MAP3K13: variants seen among roughly 807,000 people sequenced by gnomAD.
MAP3K13 encodes the protein leucine zipper-bearing kinase.
A neutral mutation model predicts 104.0 loss-of-function variants in MAP3K13; 52 were observed. The observed-to-expected ratio is 0.50, with a 90% CI of 0.40 to 0.63. MAP3K13 has a LOEUF of 0.63. MAP3K13 is among the 20% of genes least tolerant of loss of function. MAP3K13 has a pLI of 0.00. For missense variants in MAP3K13, 914 were observed against 1,218.5 expected (o/e 0.75, Z 3.72); for synonymous variants, 394 against 442.2 (o/e 0.89, Z 1.37).
In MAP3K13 at chr3:185,473,819, G is replaced by A; in HGVS notation, c.2430+58G>A. 6.6e-7 allele frequency: 1 copy of A among 1,525,820 alleles called. No homozygotes were observed. Among genetic ancestry groups the A allele is most frequent in the Admixed American group, 1.9e-5 (1 of 52,152 alleles). The allele number at this position is 1,525,820 out of a possible 1,614,324, so 94.5% of individuals were successfully genotyped here. A position where few individuals can be genotyped will look rare whatever the true frequency, so the allele number is the denominator to read the frequency against. On this transcript the variant is annotated intron_variant, in intron 11 of 13. Transcript: ENST00000265026. The surrounding 1 kb of genome is among the most constrained non-coding windows in gnomAD (Gnocchi z 4.9). ...CTGCCTTCAAAGAATGCCAGAGCCT[G>A]TCATGTTATACACATTAGAGAGCAT...
At chr3:185,464,269 CAG>C (rs1717281808) in intron 8 of MAP3K13, among the ~76,000 whole-genome samples, 1 of 152,180 alleles carries the variant, frequency 6.6e-6, no homozygotes, top group South Asian at 2.1e-4. Context: ...GCCTGGGTGA[CAG>C]AGTGAGATTC....
intron 1 of MAP3K13, among the ~76,000 whole-genome samples, chr3:185,395,971 G>A (rs966570982): frequency 5.9e-5 from 9 of 152,172 alleles, no homozygotes; most frequent in Non-Finnish European, 1.2e-4. Context: ...GAGCCACTGC[G>A]TCTGGCCCTA....
At chr3:185,373,903 G>C (rs1724289619) in intron 1 of MAP3K13, among the ~76,000 whole-genome samples, 1 of 148,924 alleles carries the variant, frequency 6.7e-6, no homozygotes, top group South Asian at 2.1e-4. Flanking sequence ...GTCCGCAAAA[G>C]GAGTCAGCAA....
chr3:185,431,551 T>C (rs1714743293), intron 2 of MAP3K13, among the ~76,000 whole-genome samples: 1 of 152,168 alleles, frequency 6.6e-6, no homozygotes, highest in South Asian at 2.1e-4. Context: ...CTTATGTAAA[T>C]GATTAAATTT....
intron 7 of MAP3K13, among the ~76,000 whole-genome samples, chr3:185,451,885 A>C (rs1373525612): frequency 6.6e-6 from 1 of 151,934 alleles, no homozygotes; most frequent in African/African-American, 2.4e-5. Context: ...AAAAAAAAGA[A>C]AAAAGAAAGA....
Position 185,423,488 on chromosome 3 carries a change from T to C in MAP3K13, c.-85-5009T>C. Among the ~76,000 whole-genome samples the C allele has an allele frequency of 6.6e-6, 1 of 152,100 alleles. No individual in the cohort carries two copies. The highest frequency in any genetic ancestry group is 1.5e-5 in the Non-Finnish European group (1 of 68,020). On this transcript the variant is annotated intron_variant, in intron 1 of 13. Transcript: ENST00000265026. The surrounding 1 kb of genome is among the most constrained non-coding windows in gnomAD (Gnocchi z 4.1). ...GCAGGTGATCAGCCAGAAAGTATAATGAGGAGATCAGTAATGTCAAAGCTC... is the reference window on the plus strand; with the variant it reads ...GCAGGTGATCAGCCAGAAAGTATAACGAGGAGATCAGTAATGTCAAAGCTC...
intron 2 of MAP3K13, among the ~76,000 whole-genome samples, chr3:185,433,894 G>T (rs1045023014): frequency 6.6e-6 from 1 of 152,054 alleles, no homozygotes; most frequent in Admixed American, 6.6e-5. Flanking sequence ...AAAAAACATA[G>T]TGAGTTACAA....
Position 185,451,270 on chromosome 3 carries a change from G to A in MAP3K13, c.1170-17G>A, listed in dbSNP as rs1277340669. 4 of 1,569,316 alleles carry A rather than the reference G, an allele frequency of 2.5e-6. No homozygotes were observed. The highest frequency in any genetic ancestry group is 2.2e-5 in the East Asian group (1 of 44,628). ...ATACAACTTCTGAAATGCACAAACT[G>A]TCTTTTTCACTTTTAGGCAGAGTAA... On this transcript the variant is annotated splice_polypyrimidine_tract_variant and intron_variant, in intron 6 of 13. Transcript: ENST00000265026.
Position 185,309,527 on chromosome 3 carries a change from A to AG in MAP3K13, c.-86+23884_-86+23885insG, listed in dbSNP as rs1379792676. On this transcript the variant is annotated intron_variant, in intron 2 of 14. Transcript: ENST00000424227. ...CCTTGTCTCACAAAAAAAAAAAAAAAAAAGAAAGAAAAAAGAAACAAAAAG... is the reference window on the plus strand; with the variant it reads ...CCTTGTCTCACAAAAAAAAAAAAAAAGAAAGAAAGAAAAAAGAAACAAAAAG... Among the ~76,000 whole-genome samples the AG allele has an allele frequency of 2.0e-3, 284 of 139,210 alleles. 1 individual carries two copies. Among genetic ancestry groups the AG allele is most frequent in the African/African-American group, 6.9e-3 (264 of 38,244 alleles). 91.3% of individuals were successfully genotyped at this position (139,210 alleles called of 152,430 possible).
At chr3:185,455,310 G>GAT (rs369853414) in intron 7 of MAP3K13, among the ~76,000 whole-genome samples, 5 of 14,944 alleles carry the variant, frequency 3.3e-4, no homozygotes, top group Non-Finnish European at 5.0e-4. Context: ...ATATATATGA[G>GAT]ATATATATGA....
chr3:185,457,967 A>G (rs945025215), intron 7 of MAP3K13, among the ~76,000 whole-genome samples: 2 of 152,184 alleles, frequency 1.3e-5, no homozygotes, highest in Non-Finnish European at 2.9e-5. Flanking sequence ...CACCAAAACA[A>G]TGAAGATAAT....
At chr3:185,397,283 C>A (rs966720569) in intron 1 of MAP3K13, among the ~76,000 whole-genome samples, 1 of 152,096 alleles carries the variant, frequency 6.6e-6, no homozygotes, top group Admixed American at 6.6e-5. Flanking sequence ...TTTCTAATTG[C>A]TTATAGGACC....
chr3:185,366,371 C>T (rs914885637), intron 1 of MAP3K13, among the ~76,000 whole-genome samples: 6 of 152,140 alleles, frequency 3.9e-5, no homozygotes, highest in African/African-American at 1.4e-4. Context: ...CGCTTTTTGA[C>T]TATTAGGAAT....
chr3:185,431,342 A>G (rs1442522918), intron 2 of MAP3K13, among the ~76,000 whole-genome samples: 1 of 152,216 alleles, frequency 6.6e-6, no homozygotes, highest in Non-Finnish European at 1.5e-5. Context: ...ATGTGCCAAT[A>G]TTTTTAAGCA....
At chr3:185,445,781 C>G (rs941969763) in intron 4 of MAP3K13, among the ~76,000 whole-genome samples, 2 of 152,198 alleles carry the variant, frequency 1.3e-5, no homozygotes, top group Admixed American at 1.3e-4. Context: ...AACTTTGTCT[C>G]AGAGAAGATT....
intron 2 of MAP3K13, chr3:185,291,773 A>C (rs1426876825): frequency 2.6e-5 from 38 of 1,461,332 alleles, no homozygotes; most frequent in Non-Finnish European, 3.2e-5. Flanking sequence ...ACAAGCTTAA[A>C]GGGGCTAAAA....
At chr3:185,306,257 T>C (rs1009682168) in intron 2 of MAP3K13, among the ~76,000 whole-genome samples, 1 of 152,180 alleles carries the variant, frequency 6.6e-6, no homozygotes, top group African/African-American at 2.4e-5. Context: ...GCATGTGTCT[T>C]TTTGGTATAA....
chr3:185,368,179 T>C (rs1723982074), intron 1 of MAP3K13, among the ~76,000 whole-genome samples: 1 of 152,062 alleles, frequency 6.6e-6, no homozygotes, highest in Admixed American at 6.6e-5. Flanking sequence ...ATTAATTAAA[T>C]GTAATCTTTG....
rs747763608 is a variant in MAP3K13 at position 185,482,849 on chromosome 3, G to C, written c.*393G>C. ...AGATAAAAGAAAGAACAGAAAAAAA[G>C]AAATAAGTGGAATTTAAGAGCAACA... On this transcript the variant is annotated 3_prime_UTR_variant, in exon 14 of 14. Transcript: ENST00000265026. This position sits in a 1 kb window ranked among gnomAD's most constrained non-coding sequence, Gnocchi z 4.5. 92 of 234,606 alleles carry C rather than the reference G, an allele frequency of 3.9e-4. No individual in the cohort carries two copies. In the Middle Eastern group the frequency reaches 7.6e-3, roughly 19 times the overall value. 14.5% of individuals were successfully genotyped at this position (234,606 alleles called of 1,614,324 possible).
Sources: allele counts gnomAD v4.1 joint callset (sites outside exome capture counted in the v4.1 genomes callset), GRCh38; gene constraint gnomAD v4.1.1; non-coding constraint Gnocchi (gnomAD v3.1); transcripts MANE v1.5; gene names NCBI Gene and HGNC (gene_info 2026-07-23, HGNC 2026-07-21).